Variants in MLLT10 observed in about 807,000 individuals in gnomAD.
MLLT10 encodes the protein MLLT10 histone lysine methyltransferase DOT1L cofactor, also known as protein AF-10.
Under a neutral mutation model 129.1 loss-of-function variants are expected in MLLT10, and 30 were observed. That is an observed-to-expected ratio of 0.23 (90% CI 0.17 to 0.32). The LOEUF is 0.32. Among genes scored for constraint, MLLT10 ranks in the 10% least tolerant of loss-of-function variants. The probability of loss-of-function intolerance (pLI) is 1.00; values close to 1 mark genes in which losing one functional copy is unlikely to be tolerated. For missense variants in MLLT10, 1,119 were observed against 1,268.3 expected (o/e 0.88, Z 1.79); for synonymous variants, 490 against 446.4 (o/e 1.10, Z -1.23).
chr10:21,561,213 T>A (rs1351960930), intron 3 of MLLT10, among the ~76,000 whole-genome samples: 1 of 152,160 alleles, frequency 6.6e-6, no homozygotes, highest in Admixed American at 6.6e-5. Context: ...TGTTTTCTTC[T>A]AAATGTTTCT....
intron 9 of MLLT10, among the ~76,000 whole-genome samples, chr10:21,660,647 G>T (rs1589486390): frequency 6.8e-6 from 1 of 146,772 alleles, no homozygotes; most frequent in African/African-American, 2.6e-5. Flanking sequence ...GCCAGGTGTG[G>T]TGGATCCCCT....
rs1253437752 is a variant in MLLT10, at chr10:21,738,420, CATTTCCAG to C, written c.2956-1608_2956-1601del. On this transcript the variant is annotated intron_variant, in intron 21 of 22. Transcript: ENST00000307729. ...CTAATAATAGCATGTGTAGCTGTCT[CATTTCCAG>C]AACATGGTTAAGGAATTTTCAGCAC... The C allele has an allele frequency of 8.5e-6, 11 of 1,288,892 alleles. No individual in the cohort carries two copies. In the East Asian group the frequency reaches 6.1e-4, roughly 71 times the overall value. The allele number at this position is 1,288,892 out of a possible 1,614,324, so 79.8% of individuals were successfully genotyped here. A position where few individuals can be genotyped will look rare whatever the true frequency, so the allele number is the denominator to read the frequency against.
intron 14 of MLLT10, among the ~76,000 whole-genome samples, chr10:21,719,573 G>A (rs906626859): frequency 6.6e-6 from 1 of 152,130 alleles, no homozygotes; most frequent in African/African-American, 2.4e-5. Context: ...TAATTTTACT[G>A]TGTTCATTTG....
intron 5 of MLLT10, among the ~76,000 whole-genome samples, chr10:21,603,660 T>C (rs747724682): frequency 6.6e-6 from 1 of 151,988 alleles, no homozygotes; most frequent in African/African-American, 2.4e-5. Context: ...TATCACAAAC[T>C]GGGTGACTTG....
intron 13 of MLLT10, among the ~76,000 whole-genome samples, chr10:21,712,231 CAG>C (rs1272502345): frequency 5.4e-4 from 21 of 38,836 alleles, no homozygotes; most frequent in African/African-American, 4.5e-3. Flanking sequence ...TTTTTAAAGA[CAG>C]AGTCTTGCTT....
chr10:21,586,192 A>G, intron 3 of MLLT10, 102 bp from the exon 4 acceptor site: 1 of 896,704 alleles, frequency 1.1e-6, no homozygotes, highest in Non-Finnish European at 1.8e-6. Context: ...ACTAGGACAA[A>G]TGCTGCTCTC....
At chr10:21,618,448 T>C (rs1187521675) in intron 8 of MLLT10, among the ~76,000 whole-genome samples, 5 of 151,806 alleles carry the variant, frequency 3.3e-5, no homozygotes, top group Non-Finnish European at 7.4e-5. Flanking sequence ...GAGATTGCAG[T>C]GAGCCGAGAT....
At chr10:21,718,342 G>T (rs2056898844) in intron 14 of MLLT10, among the ~76,000 whole-genome samples, 1 of 152,114 alleles carries the variant, frequency 6.6e-6, no homozygotes, top group Admixed American at 6.5e-5. Context: ...CATGGATCAG[G>T]GTAGAGGTAT....
intron 5 of MLLT10, among the ~76,000 whole-genome samples, chr10:21,611,130 G>A (rs2044603809): frequency 6.7e-6 from 1 of 150,134 alleles, no homozygotes; most frequent in South Asian, 2.1e-4. Context: ...CTGAGTAGCT[G>A]GGATTACAGG....
chr10:21,591,800 T>A (rs1281655373), intron 4 of MLLT10, among the ~76,000 whole-genome samples: 1 of 152,030 alleles, frequency 6.6e-6, no homozygotes, highest in African/African-American at 2.4e-5. Context: ...CTCGGCTCAC[T>A]GCAACCTCTA....
intron 3 of MLLT10, among the ~76,000 whole-genome samples, chr10:21,543,630 C>T (rs1167084622): frequency 6.6e-6 from 1 of 152,060 alleles, no homozygotes; most frequent in African/African-American, 2.4e-5. Flanking sequence ...AGGTGTGTGC[C>T]ACCACGCCCA....
intron 3 of MLLT10, among the ~76,000 whole-genome samples, chr10:21,584,467 G>T (rs1271525504): frequency 1.3e-5 from 2 of 151,912 alleles, no homozygotes; most frequent in African/African-American, 4.8e-5. Context: ...CCAGCCAATA[G>T]GCTCTATTTT....
At chr10:21,574,216 TTTTTC>T (rs1279073618) in intron 3 of MLLT10, among the ~76,000 whole-genome samples, 1 of 152,214 alleles carries the variant, frequency 6.6e-6, no homozygotes, top group Non-Finnish European at 1.5e-5. Flanking sequence ...TTCAAATAAT[TTTTTC>T]TTTTCATCTA....
chr10:21,620,714 G>A (rs559616188), intron 8 of MLLT10, among the ~76,000 whole-genome samples: 1 of 151,962 alleles, frequency 6.6e-6, no homozygotes, highest in South Asian at 2.1e-4. Context: ...TACTGAGGCG[G>A]AGTCTTGCTG....
intron 14 of MLLT10, among the ~76,000 whole-genome samples, chr10:21,715,010 A>G (rs1489493265): frequency 1.3e-5 from 2 of 151,502 alleles, no homozygotes; most frequent in African/African-American, 4.9e-5. Context: ...TTTTATTTTC[A>G]TTTCTCCAAA....
At chr10:21,736,846 C>T (rs920325148) in intron 21 of MLLT10, among the ~76,000 whole-genome samples, 3 of 152,134 alleles carry the variant, frequency 2.0e-5, no homozygotes, top group Admixed American at 6.5e-5. Context: ...GTTAGTGCTG[C>T]ACAGGTGATG....
chr10:21,600,194 A>G (rs940729916), intron 5 of MLLT10, among the ~76,000 whole-genome samples: 6 of 152,152 alleles, frequency 3.9e-5, no homozygotes, highest in African/African-American at 1.4e-4. Context: ...ATTTTAAATT[A>G]TTGTGGCTTT....
chr10:21,728,388 C>G (rs1008139832), intron 16 of MLLT10, among the ~76,000 whole-genome samples: 1 of 152,128 alleles, frequency 6.6e-6, no homozygotes, highest in Non-Finnish European at 1.5e-5. Flanking sequence ...TCAGTTATAG[C>G]AAATGTATTA....
chr10:21,559,235 C>T (rs2038475382), intron 3 of MLLT10, among the ~76,000 whole-genome samples: 1 of 152,178 alleles, frequency 6.6e-6, no homozygotes. Context: ...AGGCATCCGC[C>T]ACCACGCCTG....
Sources: allele counts gnomAD v4.1 joint callset (sites outside exome capture counted in the v4.1 genomes callset), GRCh38; gene constraint gnomAD v4.1.1; transcripts MANE v1.5; gene names NCBI Gene and HGNC (gene_info 2026-07-23, HGNC 2026-07-21).